The following CSNK2A2IP variants were observed in gnomAD, a reference collection of about 807,000 sequenced individuals.
CSNK2A2IP encodes the protein casein kinase II subunit alpha'-interacting protein.
chr3:88,464,783 A>G, the CSNK2A2IP span, among the ~76,000 whole-genome samples: 1 of 152,228 alleles, frequency 6.6e-6, no homozygotes, highest in Non-Finnish European at 1.5e-5. Flanking sequence ...AAAGAGCACC[A>G]GTGATAACTA....
chr3:88,389,349 G>A, the CSNK2A2IP span, among the ~76,000 whole-genome samples: 1 of 152,178 alleles, frequency 6.6e-6, no homozygotes, highest in Non-Finnish European at 1.5e-5. Flanking sequence ...AGCAGCAGGT[G>A]TAAAAGCCCT....
chr3:88,359,396 T>G, the CSNK2A2IP span, among the ~76,000 whole-genome samples: 2 of 152,030 alleles, frequency 1.3e-5, no homozygotes, highest in Non-Finnish European at 2.9e-5. Flanking sequence ...ATTATTTTTT[T>G]CTTCTACTAA....
chr3:88,446,034 CTTTCTT>C, the CSNK2A2IP span, among the ~76,000 whole-genome samples: 63 of 22,084 alleles, frequency 2.9e-3, 3 homozygotes, highest in African/African-American at 9.6e-3. Flanking sequence ...TGTTTCTTTT[CTTTCTT>C]TCTTTCTTTC....
the CSNK2A2IP span, among the ~76,000 whole-genome samples, chr3:88,381,822 T>A: frequency 6.6e-6 from 1 of 152,238 alleles, no homozygotes; most frequent in African/African-American, 2.4e-5. Flanking sequence ...GATGGATATG[T>A]TTATGGCATT....
the CSNK2A2IP span, among the ~76,000 whole-genome samples, chr3:88,398,627 C>T: frequency 6.6e-6 from 1 of 152,086 alleles, no homozygotes; most frequent in African/African-American, 2.4e-5. Flanking sequence ...AGAAAGGTCC[C>T]ATCTTGACTG....
chr3:88,431,940 A>G, the CSNK2A2IP span, among the ~76,000 whole-genome samples: 78,197 of 151,898 alleles, frequency 0.51, 21,406 homozygotes, highest in Non-Finnish European at 0.62. Context: ...TTTATAATAG[A>G]TAAGGCTCAA....
the CSNK2A2IP span, among the ~76,000 whole-genome samples, chr3:88,347,727 G>T: frequency 6.6e-6 from 1 of 151,938 alleles, no homozygotes; most frequent in Non-Finnish European, 1.5e-5. Flanking sequence ...AACAAAACAG[G>T]CAGTGTCTCC....
At chr3:88,450,758 A>C in the CSNK2A2IP span, among the ~76,000 whole-genome samples, 1 of 152,038 alleles carries the variant, frequency 6.6e-6, no homozygotes, top group Non-Finnish European at 1.5e-5. Context: ...TCCCTTCATC[A>C]ATGAGTAGGT....
At chr3:88,431,906 A>G in the CSNK2A2IP span, among the ~76,000 whole-genome samples, 1 of 152,172 alleles carries the variant, frequency 6.6e-6, no homozygotes, top group South Asian at 2.1e-4. Flanking sequence ...TTGATAGTCT[A>G]AATTTATGTG....
chr3:88,457,069 T>C, the CSNK2A2IP span, among the ~76,000 whole-genome samples: 19 of 152,164 alleles, frequency 1.2e-4, no homozygotes, highest in African/African-American at 3.6e-4. Flanking sequence ...CAGACTTTAA[T>C]AGCATTTTAC....
the CSNK2A2IP span, among the ~76,000 whole-genome samples, chr3:88,441,401 C>A: frequency 6.6e-6 from 1 of 152,038 alleles, no homozygotes; most frequent in African/African-American, 2.4e-5. Flanking sequence ...GAATATATTT[C>A]TTAGTTTCCT....
the CSNK2A2IP span, among the ~76,000 whole-genome samples, chr3:88,359,587 A>C: frequency 2.4e-4 from 37 of 152,090 alleles, no homozygotes; most frequent in Non-Finnish European, 8.8e-5. Flanking sequence ...TGTTTCAGTA[A>C]ATGTTAAGTT....
chr3:88,449,852 CACAT>C, the CSNK2A2IP span, among the ~76,000 whole-genome samples: 7 of 85,902 alleles, frequency 8.1e-5, no homozygotes, highest in East Asian at 3.4e-4. Flanking sequence ...CACACACACA[CACAT>C]ATATATATAT....
At chr3:88,363,557 CA>C in the CSNK2A2IP span, among the ~76,000 whole-genome samples, 6 of 152,112 alleles carry the variant, frequency 3.9e-5, no homozygotes, top group Non-Finnish European at 8.8e-5. Context: ...TCTTTGCTTT[CA>C]TGCTTGGTAA....
the CSNK2A2IP span, among the ~76,000 whole-genome samples, chr3:88,359,605 T>C: frequency 6.6e-6 from 1 of 152,152 alleles, no homozygotes; most frequent in African/African-American, 2.4e-5. Flanking sequence ...GTTTTCTTCT[T>C]AATTTATTTA....
chr3:88,396,175 G>A, the CSNK2A2IP span, among the ~76,000 whole-genome samples: 1 of 149,222 alleles, frequency 6.7e-6, no homozygotes, highest in Non-Finnish European at 1.5e-5. Context: ...CGCAATCTCG[G>A]CTCACTGCAG....
At chr3:88,341,292 A>T in the CSNK2A2IP span, among the ~76,000 whole-genome samples, 3 of 151,960 alleles carry the variant, frequency 2.0e-5, no homozygotes. Flanking sequence ...GACATGAATC[A>T]TTATTATTAT....
chr3:88,350,138 T>A, the CSNK2A2IP span, among the ~76,000 whole-genome samples: 15 of 152,224 alleles, frequency 9.9e-5, no homozygotes, highest in Non-Finnish European at 1.9e-4. Flanking sequence ...TCCATCCCAA[T>A]ACATGTATGT....
chr3:88,362,538 T>A, the CSNK2A2IP span, among the ~76,000 whole-genome samples: 6 of 152,200 alleles, frequency 3.9e-5, no homozygotes, highest in African/African-American at 1.4e-4. Flanking sequence ...CCACCACAGC[T>A]GACTCCACAC....
Sources: gnomAD v4.1 joint callset for allele counts (sites outside exome capture counted in the v4.1 genomes callset) on GRCh38, gnomAD v4.1.1 for gene constraint, MANE v1.5 for transcripts, NCBI Gene and HGNC (gene_info 2026-07-23, HGNC 2026-07-21) for gene names.